MMS19: variants seen among roughly 807,000 people sequenced by gnomAD.
MMS19 encodes MMS19 nucleotide excision repair protein homolog.
Under a neutral mutation model 129.8 loss-of-function variants are expected in MMS19, and 77 were observed. The ratio of observed to expected loss-of-function variants is 0.59; its 90% CI spans 0.49 to 0.72. The LOEUF is 0.72. Ranked by LOEUF, MMS19 falls within the 30% of genes least tolerant of loss-of-function variation. MMS19 has a pLI of 0.00. For missense variants in MMS19, 1,168 were observed against 1,266.3 expected (o/e 0.92, Z 1.18); for synonymous variants, 491 against 502.8 (o/e 0.98, Z 0.31).
At position 97,459,420 on chromosome 10, in the gene MMS19, C is replaced by T; in HGVS notation, c.2846G>A (p.Ser949Asn). ...GGTGACGAGGGTGTCCACGTGAAGA[C>T]TCATGACTTGGGGTGCTTCCAGTAG... ...PLLLEAPQVMSLHVDTLVTKF... is the reference protein window; with the variant it reads ...PLLLEAPQVMNLHVDTLVTKF... Residue 949 changes from serine (S) to asparagine (N), a missense_variant, in exon 28 of 31, where the codon AGT becomes AAT. Transcript: ENST00000438925. 6.2e-7 allele frequency: 1 copy of T among 1,608,604 alleles called. No individual in the cohort carries two copies. The highest frequency in any genetic ancestry group is 8.5e-7 in the Non-Finnish European group (1 of 1,177,516).
intron 10 of MMS19, 75 bp downstream of exon 10, chr10:97,470,054 C>T (rs972715878): frequency 4.7e-6 from 5 of 1,059,076 alleles, no homozygotes; most frequent in Non-Finnish European, 5.7e-6. Context: ...CCTTGGCTAT[C>T]CTAGAATCTA....
chr10:97,466,888 C>T lies in MMS19; in HGVS notation c.1311G>A (p.Leu437=), dbSNP rs2033606902. Residue 437 remains leucine, a synonymous_variant, in exon 15 of 31, where the codon CTG becomes CTA. Coordinates refer to ENST00000438925, the MANE Select transcript of MMS19 (RefSeq NM_022362.5). ...AGCACAGCTGGTCCTTGAAGCCATT[C>T]AGAGGCCTTTGATCTAGGGAAGAGA... ...WSYEDKDQRP[L]NGFKDQLCSL... 1 of 1,613,920 alleles carries T rather than the reference C, an allele frequency of 6.2e-7. No individual in the cohort carries two copies.
Position 97,460,161 on chromosome 10 carries a change from G to A in MMS19, c.2541C>T (p.Asp847=). 6.2e-7 allele frequency: 1 copy of A among 1,614,022 alleles called. No individual in the cohort carries two copies. Among genetic ancestry groups the A allele is most frequent in the Non-Finnish European group, 8.5e-7 (1 of 1,179,886 alleles). Residue 847 remains aspartate, a synonymous_variant, in exon 26 of 31, where the codon GAC becomes GAT. Transcript: ENST00000438925. ...AADGFSLLMS[D]CTDVLTRAGH... ...CAGCACGAGTCAGCACATCAGTGCA[G>A]TCAGACATGAGCAGAGAGAAGCCAT...
intron 8 of MMS19, among the ~76,000 whole-genome samples, chr10:97,474,239 G>C (rs2035325933): frequency 6.6e-6 from 1 of 151,826 alleles, no homozygotes; most frequent in Admixed American, 6.6e-5. Context: ...GATCCACTAT[G>C]ATGGCACACA....
At position 97,466,845 on chromosome 10, in the gene MMS19, G is replaced by C; in HGVS notation, c.1354C>G (p.Leu452Val). Reference sequence around the variant, plus strand: ...TGAAGCTGGGTGCTGGGGTCTGTTAGAGCCATGAATACCAGTGAGCACAGC... The same window carrying C: ...TGAAGCTGGGTGCTGGGGTCTGTTACAGCCATGAATACCAGTGAGCACAGC... ...DQLCSLVFMA[L>V]TDPSTQLQLV... Residue 452 changes from leucine to valine, a missense_variant, in exon 15 of 31, where the codon CTA becomes GTA. Leu to Val is a conservative substitution (Grantham distance 32). Around this residue, in one of 3 missense-constraint regions of MMS19, gnomAD observed 831 missense variants for 910.8 expected, o/e 0.91. Coordinates refer to ENST00000438925, the MANE Select transcript of MMS19 (RefSeq NM_022362.5). The C allele has an allele frequency of 6.2e-7, 1 of 1,614,022 alleles. No homozygotes were observed. The highest frequency in any genetic ancestry group is 8.5e-7 in the Non-Finnish European group (1 of 1,179,902).
intron 18 of MMS19, among the ~76,000 whole-genome samples, chr10:97,464,682 A>G (rs1205700420): frequency 6.7e-6 from 1 of 150,216 alleles, no homozygotes; most frequent in Non-Finnish European, 1.5e-5. Context: ...CATGAAAATT[A>G]CCTAGGTAAT....
chr10:97,462,656 C>G lies in MMS19; in HGVS notation c.1939G>C (p.Val647Leu). The part of the protein sequence containing the change: ...PEKEPSVLRK[V>L]LLEDEVLAAM... ...GCCAACACCTCATCCTCCAATAGTA[C>G]TTTTCTCAGAACTGAGGGCTCCTTC... is the stretch of plus-strand genomic sequence containing the variant. The change falls in exon 20 of 31, where the codon GTA becomes CTA. Residue 647 changes from valine to leucine, a missense_variant. Around this residue, in one of 3 missense-constraint regions of MMS19, gnomAD observed 831 missense variants for 910.8 expected, o/e 0.91. Transcript: ENST00000438925. 1 of 1,613,938 alleles carries G rather than the reference C, an allele frequency of 6.2e-7. No individual in the cohort carries two copies. The highest frequency in any genetic ancestry group is 8.5e-7 in the Non-Finnish European group (1 of 1,179,854).
In MMS19 at chr10:97,466,423, G is replaced by A; in HGVS notation, c.1505+81C>T. On this transcript the variant is annotated intron_variant, in intron 16 of 30. Transcript: ENST00000438925. ...GAGAGCCAAGGGTCAGAAGCACAGA[G>A]CCCTGGTCCTAGCTTGATCTTTTGC... The A allele has an allele frequency of 4.4e-6, 5 of 1,143,766 alleles. No homozygotes were observed. In the South Asian group the frequency reaches 6.3e-5, roughly 14 times the overall value. 70.9% of individuals were successfully genotyped at this position (1,143,766 alleles called of 1,614,324 possible).
rs779793782 is a variant in MMS19, at chr10:97,460,244, A to G, written c.2470-12T>C. 2.5e-6 allele frequency: 4 copies of G among 1,607,772 alleles called. No individual in the cohort carries two copies. On this transcript the variant is annotated splice_polypyrimidine_tract_variant and intron_variant, in intron 25 of 30. Transcript: ENST00000438925. ...AGGAGGCCCATGAGCTGGAGAAAAA[A>G]GAGCCTTTGAGGTACATCAGGGAAG...
At chr10:97,467,807 A>T (rs1385296056) in intron 13 of MMS19, among the ~76,000 whole-genome samples, 1 of 150,512 alleles carries the variant, frequency 6.6e-6, no homozygotes, top group African/African-American at 2.4e-5. Context: ...GGGACTACAG[A>T]TGCGTGCCAC....
intron 3 of MMS19, among the ~76,000 whole-genome samples, chr10:97,480,622 T>C (rs894162799): frequency 4.6e-5 from 7 of 152,120 alleles, no homozygotes; most frequent in African/African-American, 1.7e-4. Context: ...CGCTCTGTCA[T>C]CCAGGCTGGA....
At chr10:97,463,286 C>T (rs888503232) in intron 19 of MMS19, among the ~76,000 whole-genome samples, 2 of 152,088 alleles carry the variant, frequency 1.3e-5, no homozygotes, top group African/African-American at 4.8e-5. Flanking sequence ...ATCCTCCCAC[C>T]TCAGCCTCTT....
intron 2 of MMS19, among the ~76,000 whole-genome samples, chr10:97,482,150 C>T (rs925724141): frequency 2.6e-5 from 4 of 151,688 alleles, no homozygotes; most frequent in Admixed American, 6.6e-5. Context: ...CACTCTAGCT[C>T]GATTAACAGA....
chr10:97,482,623 C>G (rs2036995927), intron 2 of MMS19, among the ~76,000 whole-genome samples: 1 of 151,796 alleles, frequency 6.6e-6, no homozygotes, highest in Non-Finnish European at 1.5e-5. Flanking sequence ...TTGCACAAAT[C>G]TGTAAATATA....
In MMS19 at chr10:97,466,919, G is replaced by A; in HGVS notation, c.1298-18C>T. 6.2e-7 allele frequency: 1 copy of A among 1,613,474 alleles called. No homozygotes were observed. The highest frequency in any genetic ancestry group is 8.5e-7 in the Non-Finnish European group (1 of 1,179,752). ...CCTTTGATCTAGGGAAGAGACAGAG[G>A]CCAGGTTAGAAGGAAGCCACTGCAT... On this transcript the variant is annotated intron_variant, in intron 14 of 30. Coordinates refer to ENST00000438925, the MANE Select transcript of MMS19 (RefSeq NM_022362.5).
At chr10:97,480,498 C>T (rs2036590979) in intron 3 of MMS19, 1 of 365,292 alleles carries the variant, frequency 2.7e-6, no homozygotes, top group Non-Finnish European at 5.3e-6. Flanking sequence ...TACTTTTCAT[C>T]TTTACCTATG....
chr10:97,465,742 C>T, intron 18 of MMS19, 63 bp downstream of exon 18: 1 of 1,489,178 alleles, frequency 6.7e-7, no homozygotes. Context: ...GCTAGAACCA[C>T]TGCCTTAGAG....
At chr10:97,487,786 C>G (rs897867437) in intron 1 of MMS19, among the ~76,000 whole-genome samples, 1 of 152,088 alleles carries the variant, frequency 6.6e-6, no homozygotes, top group Non-Finnish European at 1.5e-5. Context: ...ATAAAGAGTT[C>G]CCACAAATCA....
intron 1 of MMS19, among the ~76,000 whole-genome samples, chr10:97,492,776 T>C (rs887222985): frequency 6.7e-6 from 1 of 150,228 alleles, no homozygotes; most frequent in African/African-American, 2.5e-5. Flanking sequence ...GAAGAGTCAT[T>C]TGAACCCAGG....
Sources: gnomAD v4.1 joint callset for allele counts (sites outside exome capture counted in the v4.1 genomes callset) on GRCh38, gnomAD v4.1.1 for gene constraint, gnomAD v4.1.1 regional missense constraint, MANE v1.5 for transcripts, NCBI Gene and HGNC (gene_info 2026-07-23, HGNC 2026-07-21) for gene names.